The following CSNK1G1 variants were observed in gnomAD, a reference collection of about 807,000 sequenced individuals.
The protein encoded by CSNK1G1 is casein kinase 1 gamma 1.
CSNK1G1 carries 22 observed loss-of-function variants against 59.6 expected under a neutral mutation model. That is an observed-to-expected ratio of 0.37 (90% confidence interval 0.26 to 0.53). CSNK1G1 has a LOEUF of 0.53. Ranked by LOEUF, CSNK1G1 falls within the 20% of genes least tolerant of loss-of-function variation. The pLI is 0.89. For synonymous variants in CSNK1G1, 179 were observed against 177.1 expected (o/e 1.01, Z -0.08); for missense variants, 384 against 519.5 (o/e 0.74, Z 2.54).
Position 64,210,805 on chromosome 15 carries a change from T to C in CSNK1G1, c.679+3085A>G, listed in dbSNP as rs183954379. Among the ~76,000 whole-genome samples the C allele has an allele frequency of 2.0e-5, 3 of 152,300 alleles. No individual in the cohort carries two copies. The highest frequency in any genetic ancestry group is 2.9e-5 in the Non-Finnish European group (2 of 68,018). On this transcript the variant is annotated intron_variant, in intron 6 of 11. Coordinates refer to ENST00000303052, the MANE Select transcript of CSNK1G1 (RefSeq NM_022048.5). The surrounding 1 kb of genome is among the most constrained non-coding windows in gnomAD (Gnocchi z 4.2). ...ACACAAACCTCACGTTGAAATTTGA[T>C]CCCAATGTTCGAAGCTGGGCCAAAT...
chr15:64,338,695 G>A (rs548831223), intron 1 of CSNK1G1, among the ~76,000 whole-genome samples: 37 of 67,070 alleles, frequency 5.5e-4, no homozygotes, highest in African/African-American at 2.5e-3. Flanking sequence ...AGTGAAACTC[G>A]GTCTCAAAAA....
At chr15:64,291,433 A>G (rs1894736682) in intron 2 of CSNK1G1, among the ~76,000 whole-genome samples, 1 of 151,998 alleles carries the variant, frequency 6.6e-6, no homozygotes, top group South Asian at 2.1e-4. Context: ...CTAAAAATAC[A>G]AAAAATTAGC....
At chr15:64,172,023 C>A (rs925420092) in intron 11 of CSNK1G1, 38 bp from the exon 12 acceptor site, 1 of 1,584,066 alleles carries the variant, frequency 6.3e-7, no homozygotes, top group African/African-American at 1.3e-5. Context: ...GTGCGGGAGG[C>A]CTGCAGCTTC....
At chr15:64,285,861 G>GAA (rs78161001) in intron 2 of CSNK1G1, among the ~76,000 whole-genome samples, 12 of 141,274 alleles carry the variant, frequency 8.5e-5, no homozygotes, top group African/African-American at 3.1e-4. Flanking sequence ...CCAAGAAGGG[G>GAA]AAAAAAAAAA....
chr15:64,261,914 C>T (rs982472072), intron 2 of CSNK1G1, among the ~76,000 whole-genome samples: 3 of 143,270 alleles, frequency 2.1e-5, no homozygotes, highest in Admixed American at 1.4e-4. Context: ...TGCACTCCAG[C>T]CTGGGCAACA....
intron 4 of CSNK1G1, among the ~76,000 whole-genome samples, chr15:64,219,164 CT>C (rs1175584696): frequency 2.6e-5 from 4 of 152,042 alleles, no homozygotes; most frequent in Admixed American, 2.6e-4. Flanking sequence ...CCCAAAGAGT[CT>C]TTTTTTCCCG....
intron 2 of CSNK1G1, among the ~76,000 whole-genome samples, chr15:64,270,502 G>C (rs762675707): frequency 2.0e-5 from 3 of 152,114 alleles, no homozygotes; most frequent in Non-Finnish European, 4.4e-5. Context: ...GCTCACGCCT[G>C]TAATCTCAGC....
At chr15:64,264,743 G>A (rs542071250) in intron 2 of CSNK1G1, among the ~76,000 whole-genome samples, 28 of 152,250 alleles carry the variant, frequency 1.8e-4, no homozygotes, top group Middle Eastern at 3.4e-3. Context: ...CACGTGACAC[G>A]TCACATGAAC....
At chr15:64,298,906 G>C (rs891732019) in intron 2 of CSNK1G1, among the ~76,000 whole-genome samples, 1 of 151,900 alleles carries the variant, frequency 6.6e-6, no homozygotes, top group African/African-American at 2.4e-5. Context: ...GGGCATGGTG[G>C]CACATGCCTG....
intron 2 of CSNK1G1, among the ~76,000 whole-genome samples, chr15:64,272,007 T>G (rs1893335825): frequency 6.6e-6 from 1 of 152,200 alleles, no homozygotes; most frequent in Non-Finnish European, 1.5e-5. Context: ...CTATGTAATG[T>G]CCTTCTATCT....
intron 4 of CSNK1G1, among the ~76,000 whole-genome samples, chr15:64,223,236 A>G (rs2082414063): frequency 7.4e-6 from 1 of 134,542 alleles, no homozygotes; most frequent in East Asian, 1.9e-4. Flanking sequence ...CATTTAAATG[A>G]AAAAAAAAAT....
At chr15:64,326,707 C>G (rs1896857322) in intron 1 of CSNK1G1, among the ~76,000 whole-genome samples, 1 of 151,862 alleles carries the variant, frequency 6.6e-6, no homozygotes, top group South Asian at 2.1e-4. Context: ...CGGTCTACAG[C>G]TTCCAGCATG....
chr15:64,247,936 T>G (rs1349769416), intron 4 of CSNK1G1, among the ~76,000 whole-genome samples: 1 of 152,232 alleles, frequency 6.6e-6, no homozygotes. Flanking sequence ...TGAACAAACC[T>G]AAGTCACAAT....
intron 2 of CSNK1G1, among the ~76,000 whole-genome samples, chr15:64,283,319 T>C (rs1894243499): frequency 6.6e-6 from 1 of 152,088 alleles, no homozygotes; most frequent in Non-Finnish European, 1.5e-5. Context: ...TTTCTCCCAT[T>C]ATGTAGACTG....
chr15:64,224,709 TAA>T (rs2082433747), intron 4 of CSNK1G1, among the ~76,000 whole-genome samples: 2 of 152,198 alleles, frequency 1.3e-5, no homozygotes, highest in Non-Finnish European at 2.9e-5. Flanking sequence ...TCATCTTGTT[TAA>T]AGGCCTCCTG....
intron 2 of CSNK1G1, among the ~76,000 whole-genome samples, chr15:64,297,692 G>A (rs1450076548): frequency 1.3e-5 from 2 of 149,620 alleles, no homozygotes; most frequent in South Asian, 2.1e-4. Flanking sequence ...GCAAGACCCT[G>A]TCTCTCAAAA....
chr15:64,300,771 C>T, intron 1 of CSNK1G1, 48 bp from the exon 2 acceptor site: 1 of 1,143,726 alleles, frequency 8.7e-7, no homozygotes, highest in Non-Finnish European at 1.1e-6. Flanking sequence ...AATTTTGAAA[C>T]AAATTCAGAA....
At chr15:64,320,222 A>G (rs188241060) in intron 1 of CSNK1G1, among the ~76,000 whole-genome samples, 10 of 152,166 alleles carry the variant, frequency 6.6e-5, no homozygotes, top group Admixed American at 3.3e-4. Context: ...AATTCCACCG[A>G]AACAGGCACA....
chr15:64,206,662 C>A (rs2082186627), intron 7 of CSNK1G1, among the ~76,000 whole-genome samples: 1 of 148,338 alleles, frequency 6.7e-6, no homozygotes, highest in African/African-American at 2.5e-5. Context: ...TAGAAGCTCA[C>A]CATTTCCTAG....
Sources: gnomAD v4.1 joint callset for allele counts (sites outside exome capture counted in the v4.1 genomes callset) on GRCh38, gnomAD v4.1.1 for gene constraint, Gnocchi (gnomAD v3.1) non-coding constraint, MANE v1.5 for transcripts, NCBI Gene and HGNC (gene_info 2026-07-23, HGNC 2026-07-21) for gene names.